PRICKLE2: variants seen among roughly 807,000 people sequenced by gnomAD.
PRICKLE2 encodes the protein prickle-like protein 2.
PRICKLE2 carries 21 observed loss-of-function variants against 81.4 expected under a neutral mutation model. The ratio of observed to expected loss-of-function variants is 0.26; its 90% CI spans 0.18 to 0.37. The LOEUF (loss-of-function observed/expected upper bound fraction) is 0.37. Among genes scored for constraint, PRICKLE2 ranks in the 10% least tolerant of loss-of-function variants. PRICKLE2 has a pLI of 1.00. For synonymous variants in PRICKLE2, 456 were observed against 421.5 expected (o/e 1.08, Z -1.00); for missense variants, 940 against 1,109.0 (o/e 0.85, Z 2.16).
At chr3:64,205,745 C>A (rs1208049596) in intron 1 of PRICKLE2, among the ~76,000 whole-genome samples, 9 of 152,218 alleles carry the variant, frequency 5.9e-5, no homozygotes, top group African/African-American at 2.2e-4. Flanking sequence ...CCCCCCGCTT[C>A]TTAATAAGAG....
intron 2 of PRICKLE2, chr3:64,182,783 G>A (rs529099802): frequency 6.6e-6 from 1 of 152,146 alleles, no homozygotes; most frequent in African/African-American, 2.4e-5. Context: ...GATCCAGTGT[G>A]GCTGGATGTT....
intron 1 of PRICKLE2, among the ~76,000 whole-genome samples, chr3:64,211,236 G>T (rs1488287334): frequency 6.6e-6 from 1 of 152,120 alleles, no homozygotes; most frequent in African/African-American, 2.4e-5. Flanking sequence ...CGGAACAGAG[G>T]CAATGCCGAA....
rs771303754 is a variant in PRICKLE2 at position 64,157,226 on chromosome 3, C to T, written c.536G>A (p.Gly179Glu). The T allele has an allele frequency of 6.2e-7, 1 of 1,614,228 alleles. No homozygotes were observed. Among genetic ancestry groups the T allele is most frequent in the Middle Eastern group, 1.6e-4 (1 of 6,062 alleles). The change falls in exon 5 of 8, where the codon GGG (glycine) becomes GAG (glutamate). Residue 179 changes from glycine (G) to glutamate (E), a missense_variant. Coordinates refer to ENST00000638394, the MANE Select transcript of PRICKLE2 (RefSeq NM_198859.4). Reference protein sequence around the residue: ...LVDLIYFYQDGKIYCGRHHAE... With the variant: ...LVDLIYFYQDEKIYCGRHHAE... Reference sequence around the variant, plus strand: ...ATGGTGCCTGCCACAGTATATCTTCCCATCTTGGTAAAAGTAGATCAGATC... The same window carrying T: ...ATGGTGCCTGCCACAGTATATCTTCTCATCTTGGTAAAAGTAGATCAGATC...
chr3:64,114,239 T>C (rs1016110143), intron 7 of PRICKLE2, among the ~76,000 whole-genome samples: 1 of 148,160 alleles, frequency 6.7e-6, no homozygotes, highest in East Asian at 2.0e-4. Context: ...ACCTCAAAGA[T>C]TGAAGGTAGA....
At chr3:64,247,784 T>C (rs867508868) in intron 2 of PRICKLE2, among the ~76,000 whole-genome samples, 1 of 152,206 alleles carries the variant, frequency 6.6e-6, no homozygotes, top group Non-Finnish European at 1.5e-5. Flanking sequence ...ACAACTTAAA[T>C]TGCTTCTTAG....
chr3:64,190,752 C>A (rs890775854), intron 2 of PRICKLE2, among the ~76,000 whole-genome samples: 3 of 152,150 alleles, frequency 2.0e-5, no homozygotes, highest in African/African-American at 7.2e-5. Context: ...GCAGAGAGGC[C>A]AAATCAAGGA....
intron 7 of PRICKLE2, among the ~76,000 whole-genome samples, chr3:64,120,912 T>G (rs541148789): frequency 3.9e-4 from 60 of 152,296 alleles, no homozygotes; most frequent in African/African-American, 1.2e-3. Context: ...ACGAACCCAT[T>G]ATCCTGTCTC....
chr3:64,237,108 CAGG>C (rs1559597575), intron 2 of PRICKLE2, among the ~76,000 whole-genome samples: 1 of 152,060 alleles, frequency 6.6e-6, no homozygotes, highest in Non-Finnish European at 1.5e-5. Context: ...GGGCAATCGG[CAGG>C]AGGAGAACTC....
intron 2 of PRICKLE2, among the ~76,000 whole-genome samples, chr3:64,164,866 T>G (rs2077801746): frequency 6.6e-6 from 1 of 152,196 alleles, no homozygotes; most frequent in Non-Finnish European, 1.5e-5. Flanking sequence ...GCAATTTGCC[T>G]ATTAGAGACT....
At chr3:64,245,185 A>C (rs1215033722) in intron 2 of PRICKLE2, among the ~76,000 whole-genome samples, 1 of 152,238 alleles carries the variant, frequency 6.6e-6, no homozygotes, top group Non-Finnish European at 1.5e-5. Context: ...AACAAGAAAA[A>C]ATAAAGCTCA....
In PRICKLE2 at chr3:64,099,726, G is replaced by T. The variant is rs374890702; in HGVS notation, c.1860C>A (p.Asn620Lys). 5 of 1,614,198 alleles carry T rather than the reference G, an allele frequency of 3.1e-6. No homozygotes were observed. Among genetic ancestry groups the T allele is most frequent in the Non-Finnish European group, 3.4e-6 (4 of 1,180,036 alleles). Residue 620 changes from asparagine (N) to lysine (K), a missense_variant, in exon 8 of 8, where the codon AAC becomes AAA. By Grantham distance (94) the Asn-to-Lys change is moderately conservative. Around this residue, in one of 2 missense-constraint regions of PRICKLE2, gnomAD observed 670 missense variants for 717.2 expected, o/e 0.93. Coordinates refer to ENST00000638394, the MANE Select transcript of PRICKLE2 (RefSeq NM_198859.4). This position sits in a 1 kb window ranked among gnomAD's most constrained non-coding sequence, Gnocchi z 4.3. ...SAQQYQEMEG[N>K]LHQLSNPIGY... ...CAATGGGGTTGCTGAGCTGGTGGAG[G>T]TTTCCCTCCATCTCCTGGTACTGCT...
At chr3:64,219,407 ATC>A (rs1481497125) in intron 1 of PRICKLE2, among the ~76,000 whole-genome samples, 1 of 152,150 alleles carries the variant, frequency 6.6e-6, no homozygotes, top group East Asian at 1.9e-4. Context: ...CCGAACTCCC[ATC>A]TCTCTGCCCA....
At chr3:64,119,182 GA>G (rs1016168716) in intron 7 of PRICKLE2, among the ~76,000 whole-genome samples, 1 of 152,138 alleles carries the variant, frequency 6.6e-6, no homozygotes, top group Admixed American at 6.6e-5. Flanking sequence ...AGAACACATG[GA>G]CACATGGAGG....
chr3:64,159,086 A>G (rs1234253417), intron 4 of PRICKLE2, among the ~76,000 whole-genome samples: 1 of 152,160 alleles, frequency 6.6e-6, no homozygotes. Context: ...TGCAGTCTCT[A>G]AAACTCTTCT....
intron 1 of PRICKLE2, among the ~76,000 whole-genome samples, chr3:64,216,481 G>A (rs1057432408): frequency 1.3e-5 from 2 of 152,280 alleles, no homozygotes; most frequent in African/African-American, 2.4e-5. Flanking sequence ...CTTACATCTC[G>A]CAGATGCTCA....
chr3:64,214,897 G>A (rs1337803556), intron 1 of PRICKLE2, among the ~76,000 whole-genome samples: 1 of 152,004 alleles, frequency 6.6e-6, no homozygotes, highest in Non-Finnish European at 1.5e-5. Flanking sequence ...CTTGGTGCAC[G>A]GGATGAGTCT....
At chr3:64,112,419 A>G (rs2076863522) in intron 7 of PRICKLE2, among the ~76,000 whole-genome samples, 1 of 152,224 alleles carries the variant, frequency 6.6e-6, no homozygotes, top group South Asian at 2.1e-4. Flanking sequence ...GTGGGACAGC[A>G]GTTCATGACC....
Position 64,157,379 on chromosome 3 carries a change from A to G in PRICKLE2, c.397-14T>C. On this transcript the variant is annotated splice_polypyrimidine_tract_variant and intron_variant, in intron 4 of 7. Transcript: ENST00000638394. ...CTGGCCTCCGCACTGTGAGGCAAAC[A>G]GAAACATCAGTAGTCACACTAGCCC... 6.2e-7 allele frequency: 1 copy of G among 1,611,784 alleles called. No individual in the cohort carries two copies. Among genetic ancestry groups the G allele is most frequent in the Non-Finnish European group, 8.5e-7 (1 of 1,179,372 alleles).
intron 2 of PRICKLE2, among the ~76,000 whole-genome samples, chr3:64,179,314 G>A (rs1484918698): frequency 6.6e-6 from 1 of 152,034 alleles, no homozygotes; most frequent in Non-Finnish European, 1.5e-5. Flanking sequence ...TACCTCAGGT[G>A]ATCCGCCTGC....
Sources: gnomAD v4.1 joint callset for allele counts (sites outside exome capture counted in the v4.1 genomes callset) on GRCh38, gnomAD v4.1.1 for gene constraint, gnomAD v4.1.1 regional missense constraint, Gnocchi (gnomAD v3.1) non-coding constraint, MANE v1.5 for transcripts, NCBI Gene and HGNC (gene_info 2026-07-23, HGNC 2026-07-21) for gene names.